Variants in POLA2 observed in about 807,000 individuals in gnomAD.
POLA2 encodes DNA polymerase alpha 2, accessory subunit, also known as DNA polymerase alpha subunit B.
A neutral mutation model predicts 82.8 loss-of-function variants in POLA2; 47 were observed. The ratio of observed to expected loss-of-function variants is 0.57; its 90% CI spans 0.45 to 0.72. The LOEUF (loss-of-function observed/expected upper bound fraction) is 0.72. Among genes scored for constraint, POLA2 ranks in the 30% least tolerant of loss-of-function variants. The probability of loss-of-function intolerance (pLI) is 0.00; values close to 1 mark genes in which losing one functional copy is unlikely to be tolerated. For missense variants in POLA2, 634 were observed against 728.1 expected, an observed-to-expected ratio of 0.87 and a Z score of 1.49; for synonymous variants, 287 against 286.8, an observed-to-expected ratio of 1.00 and a Z score of -0.01.
chr11:65,291,379 T>G (rs969352693), intron 13 of POLA2, among the ~76,000 whole-genome samples: 4 of 152,224 alleles, frequency 2.6e-5, no homozygotes, highest in African/African-American at 9.6e-5. Context: ...ATGTCACAGC[T>G]GGAATAAAGA....
chr11:65,278,382 A>AG (rs1396307638), intron 5 of POLA2, among the ~76,000 whole-genome samples: 1 of 152,252 alleles, frequency 6.6e-6, no homozygotes, highest in Non-Finnish European at 1.5e-5. Flanking sequence ...ATTCATGAGA[A>AG]GAAAAAAATG....
intron 1 of POLA2, among the ~76,000 whole-genome samples, chr11:65,264,952 C>T (rs184015968): frequency 9.2e-5 from 14 of 152,202 alleles, no homozygotes; most frequent in Non-Finnish European, 1.5e-4. Context: ...AAGGGTCGGC[C>T]GGGTGCGGTG....
downstream of POLA2, among the ~76,000 whole-genome samples, chr11:65,305,969 T>A (rs542257626): frequency 1.4e-4 from 22 of 152,112 alleles, no homozygotes; most frequent in Admixed American, 2.0e-4. Context: ...CTCCAAAATA[T>A]AACGTTAACT....
At position 65,278,914 on chromosome 11, in the gene POLA2, A is replaced by G. The variant is rs769985783; in HGVS notation, c.646A>G (p.Ile216Val). The change falls in exon 6 of 18, where the codon ATT becomes GTT. Residue 216 changes from isoleucine to valine, a missense_variant. Ile to Val is a conservative substitution (Grantham distance 29). Transcript: ENST00000265465. The stretch of plus-strand genomic sequence containing the variant: ...ATCCATGTTTCAGAAGCTCCCAGAC[A>G]TTCGAGAAGGTGATTGTTTTTCCCT... The part of the protein sequence containing the change: ...YKSMFQKLPD[I>V]REVLTCKIEE... 1.9e-6 allele frequency: 3 copies of G among 1,612,970 alleles called. No homozygotes were observed. The highest frequency in any genetic ancestry group is 8.5e-7 in the Non-Finnish European group (1 of 1,179,888).
downstream of POLA2, among the ~76,000 whole-genome samples, chr11:65,302,080 G>A (rs1949862091): frequency 6.6e-6 from 1 of 152,250 alleles, no homozygotes; most frequent in Admixed American, 6.5e-5. Flanking sequence ...CCCCTGGGAG[G>A]TCTCAGGGAC....
intron 4 of POLA2, among the ~76,000 whole-genome samples, chr11:65,269,794 C>T (rs1949502929): frequency 6.6e-6 from 1 of 152,074 alleles, no homozygotes; most frequent in Non-Finnish European, 1.5e-5. Flanking sequence ...TTACATTGCC[C>T]TATGCAATGT....
Position 65,266,610 on chromosome 11 carries a change from GAA to G in POLA2, c.109_110del (p.Asn37Ter). 6 of 1,614,076 alleles carry G rather than the reference GAA, an allele frequency of 3.7e-6. No individual in the cohort carries two copies. Among genetic ancestry groups the G allele is most frequent in the Non-Finnish European group, 5.1e-6 (6 of 1,179,896 alleles). ...LVELCVQYGQ[N>X]EEGMVGELIA... ...TAGAGCTTTGTGTTCAGTATGGACA[GAA>G]TGAGGAGGGAATGGTAGGCGAGCTT... On this transcript the variant is annotated frameshift_variant, in exon 2 of 18. Coordinates refer to ENST00000265465, the MANE Select transcript of POLA2 (RefSeq NM_002689.4). LOFTEE classifies it high-confidence loss of function.
chr11:65,272,006 C>T (rs1239683710), intron 4 of POLA2, among the ~76,000 whole-genome samples: 2 of 151,832 alleles, frequency 1.3e-5, no homozygotes, highest in South Asian at 4.2e-4. Context: ...TCAATGGCAG[C>T]ATGATAAAAT....
chr11:65,279,419 G>A, intron 6 of POLA2, 119 bp from the exon 7 acceptor site: 1 of 682,180 alleles, frequency 1.5e-6, no homozygotes, highest in East Asian at 2.7e-5. Flanking sequence ...AGATGTCCAG[G>A]CACCCTTCCT....
intron 7 of POLA2, chr11:65,279,960 G>A (rs1438927375): frequency 1.7e-5 from 4 of 229,516 alleles, no homozygotes; most frequent in African/African-American, 6.9e-5. Flanking sequence ...GGACAGCAGC[G>A]ACGGTGGGGT....
intron 8 of POLA2, among the ~76,000 whole-genome samples, chr11:65,304,871 C>T (rs1949878359): frequency 6.6e-6 from 1 of 152,166 alleles, no homozygotes; most frequent in East Asian, 1.9e-4. Context: ...AGCACACGAA[C>T]AGGGCACGTG....
intron 7 of POLA2, 128 bp downstream of exon 7, chr11:65,279,754 A>G: frequency 3.1e-6 from 2 of 655,498 alleles, no homozygotes; most frequent in Non-Finnish European, 5.2e-6. Flanking sequence ...TCTTGGTTGA[A>G]TTTGGGAAAA....
At chr11:65,265,622 G>A (rs1179250338) in intron 1 of POLA2, among the ~76,000 whole-genome samples, 1 of 152,038 alleles carries the variant, frequency 6.6e-6, no homozygotes, top group Admixed American at 6.6e-5. Flanking sequence ...TGTAACTACA[G>A]GCACATGCCA....
chr11:65,262,132 G>C lies in POLA2; in HGVS notation c.-161G>C. On this transcript the variant is annotated 5_prime_UTR_variant, in exon 1 of 18. Transcript: ENST00000265465. ...CTGTGACCGACGGCCGGGGCCTTCT[G>C]ACGGTCTGAGGTCTTGCTTGGGCCA... 1.7e-6 allele frequency: 1 copy of C among 601,882 alleles called. No homozygotes were observed. The highest frequency in any genetic ancestry group is 3.0e-6 in the Non-Finnish European group (1 of 336,370). 37.3% of individuals were successfully genotyped at this position (601,882 alleles called of 1,614,324 possible). A position where few individuals can be genotyped will look rare whatever the true frequency, so the allele number is the denominator to read the frequency against.
Position 65,295,936 on chromosome 11 carries a change from G to A in POLA2, c.1593G>A (p.Leu531=). ...AGTCGTTCTATGTTTACGCACAGCTGCCTGTCACCCCAGATGTCCTCATCA... is the reference window on the plus strand; with the variant it reads ...AGTCGTTCTATGTTTACGCACAGCTACCTGTCACCCCAGATGTCCTCATCA... ...DYESFYVYAQ[L]PVTPDVLIIP... Residue 531 remains leucine, a synonymous_variant, in exon 17 of 18, where the codon CTG becomes CTA. Coordinates refer to ENST00000265465, the MANE Select transcript of POLA2 (RefSeq NM_002689.4). 1.2e-6 allele frequency: 2 copies of A among 1,614,210 alleles called. No individual in the cohort carries two copies. The highest frequency in any genetic ancestry group is 1.3e-5 in the African/African-American group (1 of 75,058).
rs1565478136 is a variant in POLA2 at position 65,278,890 on chromosome 11, T to A, written c.622T>A (p.Ser208Thr). ...AGAGGCACTAACTGGGAGCTACAAA[T>A]CCATGTTTCAGAAGCTCCCAGACAT... The part of the protein sequence containing the change: ...CPEALTGSYK[S>T]MFQKLPDIRE... The change falls in exon 6 of 18, where the codon TCC becomes ACC. Residue 208 changes from serine (S) to threonine (T), a missense_variant. Physicochemically the swap from Ser to Thr is moderately conservative, Grantham distance 58. Coordinates refer to ENST00000265465, the MANE Select transcript of POLA2 (RefSeq NM_002689.4). The A allele has an allele frequency of 1.2e-6, 2 of 1,613,610 alleles. No individual in the cohort carries two copies. The highest frequency in any genetic ancestry group is 3.3e-5 in the Admixed American group (2 of 59,992).
Position 65,278,754 on chromosome 11 carries a change from C to T in POLA2, c.486C>T (p.Asn162=), listed in dbSNP as rs563336025. The change falls in exon 6 of 18, where the codon AAC becomes AAT. Residue 162 remains asparagine (N), a synonymous_variant. Coordinates refer to ENST00000265465, the MANE Select transcript of POLA2 (RefSeq NM_002689.4). ...GTGCTACTCCCTCCCAGAAATACAA[C>T]TCACGAAGTAACCGAGGAGAAGTGG... is the stretch of plus-strand genomic sequence containing the variant. ...SPSATPSQKY[N]SRSNRGEVVT... is the part of the protein sequence containing the mutation. 4.4e-5 allele frequency: 71 copies of T among 1,613,608 alleles called. No homozygotes were observed. The South Asian group carries it at 5.6e-4, about 13-fold the overall frequency.
chr11:65,304,518 T>A (rs1017167199), intron 8 of POLA2, among the ~76,000 whole-genome samples: 3 of 150,946 alleles, frequency 2.0e-5, no homozygotes, highest in Admixed American at 6.6e-5. Context: ...GGACTGGCTA[T>A]GATCCAATGG....
At chr11:65,285,871 A>C (rs548016626) in intron 10 of POLA2, among the ~76,000 whole-genome samples, 12 of 152,108 alleles carry the variant, frequency 7.9e-5, no homozygotes, top group Non-Finnish European at 1.3e-4. Context: ...TCAGAGCCAA[A>C]CTTAACTTTG....
Sources: gnomAD v4.1 joint callset for allele counts (sites outside exome capture counted in the v4.1 genomes callset) on GRCh38, gnomAD v4.1.1 for gene constraint, MANE v1.5 for transcripts, NCBI Gene and HGNC (gene_info 2026-07-23, HGNC 2026-07-21) for gene names.